SLX4IP: variants seen among roughly 807,000 people sequenced by gnomAD.
SLX4IP encodes SLX4 interacting protein, also known as protein SLX4IP.
Under a neutral mutation model 32.9 loss-of-function variants are expected in SLX4IP, and 34 were observed. That is an observed-to-expected ratio of 1.03 (90% CI 0.79 to 1.38). SLX4IP has a LOEUF of 1.38. SLX4IP is among the 40% of genes most tolerant of loss of function. The pLI is 0.00. For missense variants in SLX4IP, 444 were observed against 479.0 expected (o/e 0.93, Z 0.68); for synonymous variants, 172 against 171.7 (o/e 1.00, Z -0.01).
chr20:10,530,678 C>A (rs75778377), intron 2 of SLX4IP, among the ~76,000 whole-genome samples: 4,487 of 152,114 alleles, frequency 0.029, 111 homozygotes, highest in Admixed American at 0.091. Context: ...TGAGCATAGG[C>A]TTTAGTATAG....
chr20:10,526,463 C>T (rs1192651195), intron 2 of SLX4IP, among the ~76,000 whole-genome samples: 5 of 152,282 alleles, frequency 3.3e-5, no homozygotes, highest in South Asian at 2.1e-4. Flanking sequence ...GTTTCTGACA[C>T]GTGCTGGTAT....
At chr20:10,588,141 A>C (rs959737022) in intron 4 of SLX4IP, among the ~76,000 whole-genome samples, 2 of 152,280 alleles carry the variant, frequency 1.3e-5, no homozygotes, top group African/African-American at 4.8e-5. Flanking sequence ...CAAAGAAAAA[A>C]AAGGAAAAGG....
At chr20:10,613,825 G>A in intron 6 of SLX4IP, 1 of 1,609,678 alleles carries the variant, frequency 6.2e-7, no homozygotes, top group East Asian at 2.2e-5. Flanking sequence ...AGATAGGCCT[G>A]CTTAATATCA....
chr20:10,614,354 A>T, intron 6 of SLX4IP: 1 of 566,386 alleles, frequency 1.8e-6, no homozygotes. Flanking sequence ...TTGCCTTCAC[A>T]TGACGTTTTA....
At chr20:10,571,339 A>T (rs2066463490) in intron 4 of SLX4IP, among the ~76,000 whole-genome samples, 1 of 152,114 alleles carries the variant, frequency 6.6e-6, no homozygotes, top group Admixed American at 6.5e-5. Flanking sequence ...CTCCCCAGGG[A>T]CTAGGAGTCA....
At chr20:10,555,781 C>T (rs2066260419) in intron 2 of SLX4IP, among the ~76,000 whole-genome samples, 1 of 152,188 alleles carries the variant, frequency 6.6e-6, no homozygotes, top group Non-Finnish European at 1.5e-5. Flanking sequence ...ACCGTCCTAG[C>T]CAATCCTTTT....
At chr20:10,618,505 G>A (rs2067065458) in intron 6 of SLX4IP, among the ~76,000 whole-genome samples, 2 of 152,214 alleles carry the variant, frequency 1.3e-5, no homozygotes, top group Admixed American at 6.5e-5. Context: ...TGGCCCAAGT[G>A]TAAGAGCTAC....
At chr20:10,613,925 C>T in intron 6 of SLX4IP, 1 of 1,286,664 alleles carries the variant, frequency 7.8e-7, no homozygotes. Flanking sequence ...GCCAATACGC[C>T]TCCCAGTCTT....
At chr20:10,601,903 T>C in intron 6 of SLX4IP, 84 bp downstream of exon 6, 1 of 1,257,332 alleles carries the variant, frequency 8.0e-7, no homozygotes, top group Non-Finnish European at 1.1e-6. Context: ...AATTGTCTGC[T>C]GTTGTCATTC....
At chr20:10,529,036 C>G (rs1486975171) in intron 2 of SLX4IP, among the ~76,000 whole-genome samples, 1 of 152,160 alleles carries the variant, frequency 6.6e-6, no homozygotes, top group African/African-American at 2.4e-5. Context: ...GTGAATTGTT[C>G]AGATGGGTTT....
intron 4 of SLX4IP, among the ~76,000 whole-genome samples, chr20:10,580,693 ATG>A (rs1465856032): frequency 6.6e-6 from 1 of 152,000 alleles, no homozygotes; most frequent in Non-Finnish European, 1.5e-5. Context: ...TGCAAGTGGC[ATG>A]AGTTGGATGG....
intron 2 of SLX4IP, among the ~76,000 whole-genome samples, chr20:10,544,484 C>T (rs985720980): frequency 6.6e-6 from 1 of 152,168 alleles, no homozygotes. Context: ...TTCCCAGGCT[C>T]AGATGATTCT....
chr20:10,510,649 G>T (rs1265890319), intron 2 of SLX4IP, among the ~76,000 whole-genome samples: 6 of 149,750 alleles, frequency 4.0e-5, no homozygotes, highest in African/African-American at 1.5e-4. Context: ...TCTGTCACCA[G>T]ACTGGACTGC....
chr20:10,552,505 G>A (rs1251108954), intron 2 of SLX4IP, among the ~76,000 whole-genome samples: 6 of 152,080 alleles, frequency 3.9e-5, no homozygotes. Flanking sequence ...CCTAGTGTGG[G>A]AGGGAGTTGA....
chr20:10,444,073 G>A (rs8118692), intron 1 of SLX4IP, among the ~76,000 whole-genome samples: 3,292 of 152,252 alleles, frequency 0.022, 109 homozygotes, highest in African/African-American at 0.075. Context: ...TGACAAAAGG[G>A]CTTCTGATGC....
At chr20:10,543,753 T>C (rs1412740480) in intron 2 of SLX4IP, among the ~76,000 whole-genome samples, 4 of 152,186 alleles carry the variant, frequency 2.6e-5, no homozygotes, top group Non-Finnish European at 5.9e-5. Flanking sequence ...ATGCAGATCA[T>C]TGGTAACCGT....
chr20:10,589,501 G>T (rs2066682122), intron 4 of SLX4IP, among the ~76,000 whole-genome samples: 1 of 152,112 alleles, frequency 6.6e-6, no homozygotes, highest in Non-Finnish European at 1.5e-5. Flanking sequence ...TAAAGCTCAG[G>T]TAATTAACAT....
At chr20:10,494,279 G>A (rs933484636) in intron 2 of SLX4IP, among the ~76,000 whole-genome samples, 3 of 151,350 alleles carry the variant, frequency 2.0e-5, no homozygotes, top group Admixed American at 6.6e-5. Context: ...AAACTCTCTC[G>A]TGAAACTGCC....
intron 4 of SLX4IP, among the ~76,000 whole-genome samples, chr20:10,583,621 G>C (rs2066610968): frequency 6.6e-6 from 1 of 152,196 alleles, no homozygotes; most frequent in Non-Finnish European, 1.5e-5. Context: ...GCCTGATGAG[G>C]CTGGGGTCCC....
Sources: gnomAD v4.1 joint callset for allele counts (sites outside exome capture counted in the v4.1 genomes callset) on GRCh38, gnomAD v4.1.1 for gene constraint, MANE v1.5 for transcripts, NCBI Gene and HGNC (gene_info 2026-07-23, HGNC 2026-07-21) for gene names.